The following FAM227A variants were observed in gnomAD, a reference collection of about 807,000 sequenced individuals.
FAM227A encodes the protein family with sequence similarity 227 member A, also known as protein FAM227A.
FAM227A carries 80 observed loss-of-function variants against 74.7 expected under a neutral mutation model. The ratio of observed to expected loss-of-function variants is 1.07; its 90% CI spans 0.89 to 1.29. The LOEUF is 1.29. Ranked by LOEUF, FAM227A falls within the 50% of genes most tolerant of loss-of-function variation. The probability of loss-of-function intolerance (pLI) is 0.00; values close to 1 mark genes in which losing one functional copy is unlikely to be tolerated. For synonymous variants in FAM227A, 237 were observed against 241.8 expected, an observed-to-expected ratio of 0.98 and a Z score of 0.19; for missense variants, 654 against 683.4, an observed-to-expected ratio of 0.96 and a Z score of 0.48.
intron 11 of FAM227A, among the ~76,000 whole-genome samples, chr22:38,612,202 A>C (rs1416083434): frequency 3.3e-5 from 5 of 152,208 alleles, no homozygotes; most frequent in Non-Finnish European, 7.3e-5. Context: ...ATCTTTAAAA[A>C]ATATAAATCA....
chr22:38,645,940 C>G (rs962690158), intron 2 of FAM227A, among the ~76,000 whole-genome samples: 2 of 151,984 alleles, frequency 1.3e-5, no homozygotes, highest in Non-Finnish European at 2.9e-5. Context: ...CACACCACCA[C>G]CCCTGGCCTA....
intron 16 of FAM227A, among the ~76,000 whole-genome samples, chr22:38,587,110 T>G (rs2090826762): frequency 6.6e-6 from 1 of 152,112 alleles, no homozygotes. Context: ...ACTTATGGAG[T>G]GCAGCAAAAG....
chr22:38,583,041 G>A lies in FAM227A; in HGVS notation c.*3084C>T, dbSNP rs998203159. 1 of 1,399,916 alleles carries A rather than the reference G, an allele frequency of 7.1e-7. No homozygotes were observed. Among genetic ancestry groups the A allele is most frequent in the Non-Finnish European group, 9.8e-7 (1 of 1,020,246 alleles). The allele number at this position is 1,399,916 out of a possible 1,614,324, so 86.7% of individuals were successfully genotyped here. A position where few individuals can be genotyped will look rare whatever the true frequency, so the allele number is the denominator to read the frequency against. ...GAAATAGGAAAGTGTGGTTCCTAGA[G>A]AAACTGCAAATGAAGAGTTGACAGT... On this transcript the variant is annotated 3_prime_UTR_variant, in exon 17 of 17. Transcript: ENST00000535113.
chr22:38,612,082 C>T (rs548795434), intron 11 of FAM227A, among the ~76,000 whole-genome samples: 1 of 152,304 alleles, frequency 6.6e-6, no homozygotes, highest in African/African-American at 2.4e-5. Context: ...TGCGTCAGGT[C>T]TGTCTGCTTC....
chr22:38,626,235 G>A lies in FAM227A; in HGVS notation c.795C>T (p.Phe265=), dbSNP rs200515824. 26 of 1,551,684 alleles carry A rather than the reference G, an allele frequency of 1.7e-5. No homozygotes were observed. Among genetic ancestry groups the A allele is most frequent in the Middle Eastern group, 3.3e-4 (2 of 5,992 alleles). ...SFCCCFPQSW[F]DTHEFKSDIC... ...TGTCAGACTTGAATTCGTGCGTGTC[G>A]AACCAGGACTGTGGAAAGCAGCAAC... The change falls in exon 9 of 17, where the codon TTC becomes TTT. Residue 265 remains phenylalanine (F), a synonymous_variant. Transcript: ENST00000535113.
Position 38,617,598 on chromosome 22 carries a change from G to A in FAM227A, c.1038+2614C>T, listed in dbSNP as rs188312692. On this transcript the variant is annotated intron_variant, in intron 11 of 16. Transcript: ENST00000535113. The stretch of plus-strand genomic sequence containing the variant: ...GCGTGAGCCTCCACACCCGGCCGGA[G>A]GAGGCTGTCTTAATGAATTAAGCCT... Among the ~76,000 whole-genome samples, 4 of 152,232 alleles carry A rather than the reference G, an allele frequency of 2.6e-5. No homozygotes were observed. In the East Asian group the frequency reaches 7.7e-4, roughly 29 times the overall value.
chr22:38,613,888 T>C (rs1370850558), intron 11 of FAM227A, among the ~76,000 whole-genome samples: 3 of 152,172 alleles, frequency 2.0e-5, no homozygotes, highest in African/African-American at 7.2e-5. Context: ...ATTCTTTTTT[T>C]TGAGACAGGG....
chr22:38,626,913 T>TATAAATAC, intron 8 of FAM227A, among the ~76,000 whole-genome samples: 1 of 89,828 alleles, frequency 1.1e-5, no homozygotes, highest in Non-Finnish European at 2.1e-5. Flanking sequence ...TATATATATA[T>TATAAATAC]ACACGTATAT....
In FAM227A at chr22:38,578,529, C is replaced by T. The variant is rs1228229581; in HGVS notation, c.*7596G>A. 1.3e-5 allele frequency: 2 copies of T among 152,200 alleles called. No individual in the cohort carries two copies. The highest frequency in any genetic ancestry group is 2.9e-5 in the Non-Finnish European group (2 of 68,050). The allele number at this position is 152,200 out of a possible 1,614,324, so 9.4% of individuals were successfully genotyped here. Reference sequence around the variant, plus strand: ...TTTTACTAGCATTTATTCAACACTGCTCAATTCCACGTCTCTGCTGGATAT... The same window carrying T: ...TTTTACTAGCATTTATTCAACACTGTTCAATTCCACGTCTCTGCTGGATAT... On this transcript the variant is annotated 3_prime_UTR_variant, in exon 17 of 17. Transcript: ENST00000535113.
intron 5 of FAM227A, 78 bp downstream of exon 5, chr22:38,638,668 C>T: frequency 1.9e-6 from 2 of 1,070,276 alleles, no homozygotes; most frequent in Non-Finnish European, 2.8e-6. Flanking sequence ...ACCAAGTATT[C>T]TCCTCCCCAG....
At chr22:38,615,441 G>C (rs968728996) in intron 11 of FAM227A, among the ~76,000 whole-genome samples, 1 of 152,334 alleles carries the variant, frequency 6.6e-6, no homozygotes, top group East Asian at 1.9e-4. Context: ...GGCAGTCAGG[G>C]ACAGCTTCTC....
intron 5 of FAM227A, among the ~76,000 whole-genome samples, 169 bp from the exon 6 acceptor site, chr22:38,636,766 ATTTCTTT>A (rs921890438): frequency 5.1e-5 from 7 of 136,670 alleles, no homozygotes; most frequent in African/African-American, 1.6e-4. Context: ...TATCTACATT[ATTTCTTT>A]TTTTTTTTTT....
chr22:38,605,840 T>C (rs150801007), intron 12 of FAM227A, among the ~76,000 whole-genome samples: 26 of 152,256 alleles, frequency 1.7e-4, no homozygotes, highest in African/African-American at 6.0e-4. Context: ...TTTAAAAGTT[T>C]TACTGGGACA....
chr22:38,613,090 ATATAT>A (rs1158626612), intron 11 of FAM227A, among the ~76,000 whole-genome samples: 2 of 96,432 alleles, frequency 2.1e-5, no homozygotes, highest in African/African-American at 8.9e-5. Context: ...AATTATATAT[ATATAT>A]TATATATAAT....
At position 38,625,573 on chromosome 22, in the gene FAM227A, A is replaced by G. The variant is rs575193263; in HGVS notation, c.850+607T>C. Among the ~76,000 whole-genome samples the G allele has an allele frequency of 4.6e-5, 7 of 152,144 alleles. No homozygotes were observed. The South Asian group carries it at 1.2e-3, about 27-fold the overall frequency. ...TGCAGCAGCCCACAGCACATGGTTA[A>G]CTAACAGGGCTGTGTTGAAACTTTG... On this transcript the variant is annotated intron_variant, in intron 9 of 16. Coordinates refer to ENST00000535113, the MANE Select transcript of FAM227A (RefSeq NM_001013647.2).
chr22:38,626,934 T>C (rs2091822911), intron 8 of FAM227A, among the ~76,000 whole-genome samples: 1 of 121,522 alleles, frequency 8.2e-6, no homozygotes, highest in South Asian at 2.6e-4. Flanking sequence ...ATATTCTATA[T>C]ATAGAGAGAG....
chr22:38,635,397 A>G (rs1054130159), intron 6 of FAM227A, among the ~76,000 whole-genome samples: 2 of 152,010 alleles, frequency 1.3e-5, no homozygotes, highest in Admixed American at 6.6e-5. Context: ...TCAGGGGACA[A>G]TGATCAGAGC....
At position 38,579,369 on chromosome 22, in the gene FAM227A, G is replaced by T. The variant is rs1340852011; in HGVS notation, c.*6756C>A. On this transcript the variant is annotated 3_prime_UTR_variant, in exon 17 of 17. Coordinates refer to ENST00000535113, the MANE Select transcript of FAM227A (RefSeq NM_001013647.2). ...GAACTGATTGGAGGGGCAAGAGAAA[G>T]GGCAAAGAGAATGCTAGGAGAATAT... 6.6e-6 allele frequency: 1 copy of T among 152,184 alleles called. No homozygotes were observed. The highest frequency in any genetic ancestry group is 1.5e-5 in the Non-Finnish European group (1 of 68,036). The allele number at this position is 152,184 out of a possible 1,614,324, so 9.4% of individuals were successfully genotyped here. A position where few individuals can be genotyped will look rare whatever the true frequency, so the allele number is the denominator to read the frequency against.
chr22:38,593,614 C>T (rs910787506), intron 15 of FAM227A, among the ~76,000 whole-genome samples: 1 of 152,204 alleles, frequency 6.6e-6, no homozygotes, highest in Non-Finnish European at 1.5e-5. Flanking sequence ...CTTCTCCCTT[C>T]TCCATCCCGA....
Sources: gnomAD v4.1 joint callset for allele counts (sites outside exome capture counted in the v4.1 genomes callset) on GRCh38, gnomAD v4.1.1 for gene constraint, MANE v1.5 for transcripts, NCBI Gene and HGNC (gene_info 2026-07-23, HGNC 2026-07-21) for gene names.